Variants in TLN2 observed in about 807,000 individuals in gnomAD.
The protein encoded by TLN2 is talin-2.
Under a neutral mutation model 294.7 loss-of-function variants are expected in TLN2, and 118 were observed. The observed-to-expected ratio is 0.40, with a 90% CI of 0.34 to 0.47. The LOEUF is 0.47. Ranked by LOEUF, TLN2 falls within the 20% of genes least tolerant of loss-of-function variation. The pLI is 0.84. For missense variants in TLN2, 3,083 were observed against 3,282.2 expected, an observed-to-expected ratio of 0.94 and a Z score of 1.48; for synonymous variants, 1,431 against 1,304.5, an observed-to-expected ratio of 1.10 and a Z score of -2.09.
At chr15:62,582,219 C>CACACACACACACAT (rs56281146) in intron 1 of TLN2, among the ~76,000 whole-genome samples, 24,205 of 135,172 alleles carry the variant, frequency 0.18, 2,997 homozygotes, top group Middle Eastern at 0.28. Flanking sequence ...CACACACACA[C>CACACACACACACAT]ACACACACAC....
At chr15:62,421,346 G>GT (rs371935881) in intron 1 of TLN2, among the ~76,000 whole-genome samples, 2 of 152,082 alleles carry the variant, frequency 1.3e-5, no homozygotes, top group Admixed American at 6.6e-5. Context: ...CCTACTTGGT[G>GT]TTTTTTAAGC....
intron 1 of TLN2, among the ~76,000 whole-genome samples, chr15:62,466,816 G>C (rs549013669): frequency 6.6e-6 from 1 of 152,330 alleles, no homozygotes; most frequent in South Asian, 2.1e-4. Flanking sequence ...TTTATTTTCA[G>C]ATTTGGGATG....
intron 50 of TLN2, among the ~76,000 whole-genome samples, chr15:62,801,447 ATT>A (rs1229480616): frequency 6.6e-6 from 1 of 152,194 alleles, no homozygotes; most frequent in Non-Finnish European, 1.5e-5. Flanking sequence ...TTTCAAACAG[ATT>A]TCTTTTTGAT....
At chr15:62,761,952 T>G in intron 38 of TLN2, 131 bp downstream of exon 38, 1 of 1,234,456 alleles carries the variant, frequency 8.1e-7, no homozygotes, top group South Asian at 1.3e-5. Context: ...TTGTCAATGA[T>G]GGCATGTGCA....
intron 33 of TLN2, among the ~76,000 whole-genome samples, chr15:62,748,831 G>A (rs1213384449): frequency 6.6e-6 from 1 of 152,226 alleles, no homozygotes; most frequent in Non-Finnish European, 1.5e-5. Flanking sequence ...GCTAGAGGCT[G>A]AGATAGGTGT....
At chr15:62,494,232 CT>C (rs1442738634) in intron 1 of TLN2, among the ~76,000 whole-genome samples, 1 of 152,002 alleles carries the variant, frequency 6.6e-6, no homozygotes, top group African/African-American at 2.4e-5. Context: ...TCAAGGATGA[CT>C]TTCCCTAGGC....
chr15:62,696,316 G>A (rs2058331321), intron 14 of TLN2, among the ~76,000 whole-genome samples: 1 of 152,218 alleles, frequency 6.6e-6, no homozygotes, highest in African/African-American at 2.4e-5. Flanking sequence ...TGTCCACTGG[G>A]CTTCTGAGGA....
intron 51 of TLN2, among the ~76,000 whole-genome samples, chr15:62,809,655 G>C (rs142056913): frequency 1.5e-4 from 23 of 152,320 alleles, no homozygotes; most frequent in African/African-American, 4.6e-4. Flanking sequence ...AATGTGGGGT[G>C]GGAAAAGGAG....
intron 54 of TLN2, chr15:62,824,031 A>G (rs1290644389): frequency 1.9e-6 from 1 of 528,420 alleles, no homozygotes; most frequent in Admixed American, 2.0e-5. Flanking sequence ...ATATTCCTAC[A>G]GTGTCTTGCC....
intron 32 of TLN2, among the ~76,000 whole-genome samples, chr15:62,744,181 G>A (rs558508949): frequency 1.3e-5 from 2 of 152,160 alleles, no homozygotes; most frequent in African/African-American, 4.8e-5. Flanking sequence ...CTCTGTGCCC[G>A]GCAGCTGAGG....
intron 4 of TLN2, 200 bp from the exon 5 acceptor site, chr15:62,649,884 G>A: frequency 1.9e-6 from 1 of 531,600 alleles, no homozygotes; most frequent in East Asian, 3.1e-5. Flanking sequence ...TTATTTGTGG[G>A]TGTTGCTTCT....
At chr15:62,838,471 T>C (rs1338698253) in intron 57 of TLN2, among the ~76,000 whole-genome samples, 1 of 152,232 alleles carries the variant, frequency 6.6e-6, no homozygotes, top group Non-Finnish European at 1.5e-5. Context: ...TCCTCAAGTA[T>C]GTGCTAAATC....
At chr15:62,714,278 T>C (rs940355650) in intron 22 of TLN2, among the ~76,000 whole-genome samples, 1 of 148,502 alleles carries the variant, frequency 6.7e-6, no homozygotes, top group African/African-American at 2.5e-5. Flanking sequence ...TCTTGGCTCA[T>C]TGCAAGCTCT....
At chr15:62,559,688 AC>A (rs2042806351) in intron 1 of TLN2, among the ~76,000 whole-genome samples, 1 of 152,182 alleles carries the variant, frequency 6.6e-6, no homozygotes, top group Non-Finnish European at 1.5e-5. Context: ...ACCCATTCAT[AC>A]CAATTTGGTA....
chr15:62,705,193 T>C (rs2058981148), intron 19 of TLN2, among the ~76,000 whole-genome samples: 1 of 152,214 alleles, frequency 6.6e-6, no homozygotes, highest in South Asian at 2.1e-4. Flanking sequence ...AGAGCCTTTG[T>C]TAGCAGGGAC....
intron 37 of TLN2, among the ~76,000 whole-genome samples, chr15:62,758,193 G>A (rs536655262): frequency 1.3e-5 from 2 of 152,168 alleles, no homozygotes; most frequent in East Asian, 1.9e-4. Flanking sequence ...AAGCACGAGG[G>A]AGCAGGAGCA....
At chr15:62,822,813 CTTA>C (rs1026465869) in intron 54 of TLN2, among the ~76,000 whole-genome samples, 2 of 152,202 alleles carry the variant, frequency 1.3e-5, no homozygotes, top group African/African-American at 4.8e-5. Flanking sequence ...GAATTATGTA[CTTA>C]TTATGATTAC....
At chr15:62,821,288 A>G (rs996401247) in intron 54 of TLN2, among the ~76,000 whole-genome samples, 4 of 152,256 alleles carry the variant, frequency 2.6e-5, no homozygotes, top group African/African-American at 9.6e-5. Flanking sequence ...CCCACCTTCC[A>G]TAGCTGTCTT....
At chr15:62,706,775 C>A (rs556507247) in intron 19 of TLN2, among the ~76,000 whole-genome samples, 1 of 152,152 alleles carries the variant, frequency 6.6e-6, no homozygotes, top group Non-Finnish European at 1.5e-5. Context: ...ATTCAAGAGA[C>A]GTGGTCAAGA....
Sources: allele counts gnomAD v4.1 joint callset (sites outside exome capture counted in the v4.1 genomes callset), GRCh38; gene constraint gnomAD v4.1.1; transcripts MANE v1.5; gene names NCBI Gene and HGNC (gene_info 2026-07-23, HGNC 2026-07-21).